Variants in LHCGR observed in about 807,000 individuals in gnomAD.
LHCGR encodes the protein luteinizing hormone/choriogonadotropin receptor.
LHCGR carries 55 observed loss-of-function variants against 60.7 expected under a neutral mutation model. The observed-to-expected ratio is 0.91, with a 90% CI of 0.73 to 1.13. LHCGR has a LOEUF of 1.13. Among genes scored for constraint, LHCGR ranks in the 50% most tolerant of loss-of-function variants. LHCGR has a pLI of 0.00. For missense variants in LHCGR, 862 were observed against 836.0 expected, an observed-to-expected ratio of 1.03 and a Z score of -0.38; for synonymous variants, 337 against 316.5, an observed-to-expected ratio of 1.06 and a Z score of -0.69.
intron 1 of LHCGR, among the ~76,000 whole-genome samples, chr2:48,739,363 G>A (rs540402343): frequency 9.8e-5 from 15 of 152,296 alleles, no homozygotes; most frequent in African/African-American, 2.9e-4. Flanking sequence ...ACATGCACAC[G>A]TGTATTTATT....
intron 8 of LHCGR, among the ~76,000 whole-genome samples, chr2:48,707,444 C>T (rs534037039): frequency 2.0e-5 from 3 of 152,244 alleles, no homozygotes; most frequent in East Asian, 3.9e-4. Flanking sequence ...CCACTGCTCT[C>T]TTCAGAGCTG....
intron 1 of LHCGR, among the ~76,000 whole-genome samples, chr2:48,744,847 G>A (rs973169942): frequency 7.2e-5 from 11 of 151,836 alleles, no homozygotes; most frequent in African/African-American, 2.7e-4. Context: ...TGACAAATGG[G>A]ATCCAATTAA....
rs1572874955 is a variant in LHCGR, at chr2:48,731,226, C to A, written c.233+1G>T. 1 of 1,597,614 alleles carries A rather than the reference C, an allele frequency of 6.3e-7. No individual in the cohort carries two copies. The highest frequency in any genetic ancestry group is 1.3e-5 in the African/African-American group (1 of 74,638). On this transcript the variant is annotated splice_donor_variant, in intron 2 of 10. Transcript: ENST00000294954. LOFTEE classifies it high-confidence loss of function. ...CTTTTGATATGCAGTAACTTACTTA[C>A]ATTTTTATGACCTCATTAAGTCCTC...
chr2:48,687,630 A>T lies in LHCGR; in HGVS notation c.*67T>A. On this transcript the variant is annotated 3_prime_UTR_variant, in exon 11 of 11. Transcript: ENST00000294954. ...AAATCCAACCCTTTATGTTAAAATT[A>T]CTGGTACAGGTAATTTTTTTTTACA... The T allele has an allele frequency of 7.6e-7, 1 of 1,308,532 alleles. No homozygotes were observed. Among genetic ancestry groups the T allele is most frequent in the Non-Finnish European group, 1.1e-6 (1 of 905,072 alleles). The allele number at this position is 1,308,532 out of a possible 1,614,324, so 81.1% of individuals were successfully genotyped here. A position where few individuals can be genotyped will look rare whatever the true frequency, so the allele number is the denominator to read the frequency against.
chr2:48,726,653 A>T (rs971946408), intron 3 of LHCGR, among the ~76,000 whole-genome samples: 6 of 152,216 alleles, frequency 3.9e-5, no homozygotes, highest in African/African-American at 1.4e-4. Flanking sequence ...ACCTTGTTCT[A>T]TAGAGAGAAT....
intron 1 of LHCGR, among the ~76,000 whole-genome samples, chr2:48,732,185 G>A (rs530753922): frequency 1.3e-5 from 2 of 152,204 alleles, no homozygotes; most frequent in African/African-American, 2.4e-5. Context: ...AGGCAGGGAC[G>A]AACATGCAGC....
chr2:48,728,766 C>T (rs1286403842), intron 3 of LHCGR, among the ~76,000 whole-genome samples: 1 of 152,158 alleles, frequency 6.6e-6, no homozygotes, highest in African/African-American at 2.4e-5. Flanking sequence ...GAAACATTCA[C>T]TGAATGAGTG....
intron 6 of LHCGR, among the ~76,000 whole-genome samples, chr2:48,715,465 T>G (rs1668205514): frequency 6.6e-6 from 1 of 152,224 alleles, no homozygotes; most frequent in Non-Finnish European, 1.5e-5. Context: ...ACTCCTTATA[T>G]CTGCCAACAC....
In LHCGR at chr2:48,755,613, GGCGGCTGCAGCAGCAGCA is replaced by G. The variant is rs1558913711; in HGVS notation, c.41_58del (p.Leu14_Pro19del). The G allele has an allele frequency of 7.1e-7, 1 of 1,408,494 alleles. No individual in the cohort carries two copies. Among genetic ancestry groups the G allele is most frequent in the African/African-American group, 1.5e-5 (1 of 68,650 alleles). 87.2% of individuals were successfully genotyped at this position (1,408,494 alleles called of 1,614,324 possible). ...CGCCTCGCGCAGCGCTCGTGGCAGC[GGCGGCTGCAGCAGCAGCA>G]GCAGCTTCAGCAGCTGCAGCGCCGA... On this transcript the variant is annotated inframe_deletion, in exon 1 of 11. Transcript: ENST00000294954.
rs1680042579 is a variant in LHCGR at position 48,688,802 on chromosome 2, T to C, written c.995A>G (p.Glu332Gly). The C allele has an allele frequency of 6.2e-7, 1 of 1,614,002 alleles. No individual in the cohort carries two copies. Among genetic ancestry groups the C allele is most frequent in the Admixed American group, 1.7e-5 (1 of 59,984 alleles). Reference protein sequence around the residue: ...AESELSGWDYEYGFCLPKTPR... With the variant: ...AESELSGWDYGYGFCLPKTPR... ...TGTCTTGGGTAAGCAGAAACCATAT[T>C]CATAGTCCCAGCCACTCAGTTCACT... The change falls in exon 11 of 11, where the codon GAA becomes GGA. Residue 332 changes from glutamate to glycine, a missense_variant. By Grantham distance (98) the Glu-to-Gly change is moderately conservative. Transcript: ENST00000294954. The surrounding 1 kb of genome is among the most constrained non-coding windows in gnomAD (Gnocchi z 5.2).
intron 10 of LHCGR, among the ~76,000 whole-genome samples, chr2:48,690,228 C>G (rs1176417445): frequency 1.3e-5 from 2 of 152,180 alleles, no homozygotes; most frequent in Admixed American, 1.3e-4. Context: ...CCAAGGCCCT[C>G]CTTGGTCTGG....
chr2:48,748,118 T>G (rs1669793603), intron 1 of LHCGR, among the ~76,000 whole-genome samples: 1 of 152,338 alleles, frequency 6.6e-6, no homozygotes, highest in East Asian at 1.9e-4. Context: ...TCTGAACTCC[T>G]ATCTTGTTTA....
Position 48,687,433 on chromosome 2 carries a change from C to A in LHCGR, c.*264G>T. On this transcript the variant is annotated 3_prime_UTR_variant, in exon 11 of 11. Coordinates refer to ENST00000294954, the MANE Select transcript of LHCGR (RefSeq NM_000233.4). ...CTCCTCAGTTTTTTAAAAGATTCATCAAACAAAATTACTGTGTCAAAATTT... is the reference window on the plus strand; with the variant it reads ...CTCCTCAGTTTTTTAAAAGATTCATAAAACAAAATTACTGTGTCAAAATTT... 2.7e-6 allele frequency: 1 copy of A among 374,950 alleles called. No homozygotes were observed. The highest frequency in any genetic ancestry group is 4.8e-6 in the Non-Finnish European group (1 of 208,794). 23.2% of individuals were successfully genotyped at this position (374,950 alleles called of 1,614,324 possible). A position where few individuals can be genotyped will look rare whatever the true frequency, so the allele number is the denominator to read the frequency against.
intron 6 of LHCGR, among the ~76,000 whole-genome samples, chr2:48,716,411 C>G (rs1019209557): frequency 2.0e-5 from 3 of 152,146 alleles, no homozygotes; most frequent in Non-Finnish European, 4.4e-5. Context: ...AGGCACTGTT[C>G]TAGATACAGG....
At chr2:48,748,401 C>T (rs2103727686) in intron 1 of LHCGR, among the ~76,000 whole-genome samples, 1 of 152,210 alleles carries the variant, frequency 6.6e-6, no homozygotes, top group South Asian at 2.1e-4. Context: ...GCTGGGCAGA[C>T]AGGACCAAAA....
intron 10 of LHCGR, among the ~76,000 whole-genome samples, chr2:48,689,719 C>G (rs1680115134): frequency 6.6e-6 from 1 of 151,974 alleles, no homozygotes; most frequent in African/African-American, 2.4e-5. Context: ...TTTCCTCTCT[C>G]TCTCTTTTTT....
chr2:48,708,806 A>G lies in LHCGR; in HGVS notation c.680+142T>C, dbSNP rs1667831680. On this transcript the variant is annotated intron_variant, in intron 8 of 10. Transcript: ENST00000294954. ...TACTTTATTATGGCAGCTGTGATAC[A>G]CTTTGTCTTTCCAACAGCAGCCTTT... 4 of 772,796 alleles carry G rather than the reference A, an allele frequency of 5.2e-6. No individual in the cohort carries two copies. The Admixed American group carries it at 6.9e-5, about 13-fold the overall frequency. 47.9% of individuals were successfully genotyped at this position (772,796 alleles called of 1,614,324 possible). A position where few individuals can be genotyped will look rare whatever the true frequency, so the allele number is the denominator to read the frequency against.
intron 8 of LHCGR, among the ~76,000 whole-genome samples, chr2:48,707,808 C>T (rs1174476158): frequency 2.0e-5 from 3 of 152,240 alleles, no homozygotes; most frequent in Non-Finnish European, 4.4e-5. Context: ...TTGCTGGGCT[C>T]TGTGAGCATG....
At chr2:48,709,371 A>G (rs1451455082) in intron 7 of LHCGR, among the ~76,000 whole-genome samples, 1 of 152,188 alleles carries the variant, frequency 6.6e-6, no homozygotes, top group Non-Finnish European at 1.5e-5. Flanking sequence ...CCAAGACTGA[A>G]CGGCTGAAGT....
Sources: gnomAD v4.1 joint callset for allele counts (sites outside exome capture counted in the v4.1 genomes callset) on GRCh38, gnomAD v4.1.1 for gene constraint, Gnocchi (gnomAD v3.1) non-coding constraint, MANE v1.5 for transcripts, NCBI Gene and HGNC (gene_info 2026-07-23, HGNC 2026-07-21) for gene names.